DENND6B: variants seen among roughly 807,000 people sequenced by gnomAD.
DENND6B encodes protein DENND6B.
In DENND6B, 73 loss-of-function variants were observed where a neutral mutation model predicts 85.1. That is an observed-to-expected ratio of 0.86 (90% CI 0.71 to 1.04). The LOEUF (loss-of-function observed/expected upper bound fraction) is 1.04, where lower values mean the gene tolerates loss of function less well. Among genes scored for constraint, DENND6B ranks in the 50% least tolerant of loss-of-function variants. DENND6B has a pLI of 0.00. For missense variants in DENND6B, 715 were observed against 785.8 expected (o/e 0.91, Z 1.08); for synonymous variants, 357 against 329.3 (o/e 1.08, Z -0.91).
Position 50,311,779 on chromosome 22 carries a change from A to C in DENND6B, c.*360T>G. The C allele has an allele frequency of 1.4e-5, 4 of 279,604 alleles. No individual in the cohort carries two copies. The highest frequency in any genetic ancestry group is 1.7e-4 in the East Asian group (2 of 11,546). 17.3% of individuals were successfully genotyped at this position (279,604 alleles called of 1,614,324 possible). A position where few individuals can be genotyped will look rare whatever the true frequency, so the allele number is the denominator to read the frequency against. On this transcript the variant is annotated 3_prime_UTR_variant, in exon 20 of 20. Coordinates refer to ENST00000413817, the MANE Select transcript of DENND6B (RefSeq NM_001001794.4). ...TTGGGCTGAGGGAAGCATCACACAC[A>C]GCGCAGGGGGGTCGGGGGCCAACAG...
intron 5 of DENND6B, 155 bp from the exon 6 acceptor site, chr22:50,316,630 A>G: frequency 6.5e-7 from 1 of 1,530,864 alleles, no homozygotes. Flanking sequence ...GGAACGCCTG[A>G]CTTGGACCCC....
intron 5 of DENND6B, 55 bp downstream of exon 5, chr22:50,317,238 C>A (rs1601820632): frequency 6.3e-7 from 1 of 1,598,824 alleles, no homozygotes; most frequent in East Asian, 2.2e-5. Context: ...CCTCCTGCTG[C>A]CTGCCAGCTC....
chr22:50,310,450 C>A lies in DENND6B; in HGVS notation c.*1689G>T, dbSNP rs2068044485. On this transcript the variant is annotated 3_prime_UTR_variant, in exon 20 of 20. Coordinates refer to ENST00000413817, the MANE Select transcript of DENND6B (RefSeq NM_001001794.4). ...GTTGGGCTGGACAAGTTGACATGTA[C>A]CAAGTTCTGAGAACTACCTGGCGCC... The A allele has an allele frequency of 6.6e-6, 1 of 152,232 alleles. No homozygotes were observed. The highest frequency in any genetic ancestry group is 6.5e-5 in the Admixed American group (1 of 15,282). 9.4% of individuals were successfully genotyped at this position (152,232 alleles called of 1,614,324 possible).
intron 1 of DENND6B, among the ~76,000 whole-genome samples, chr22:50,325,498 G>A (rs1240704934): frequency 2.0e-5 from 3 of 151,894 alleles, no homozygotes; most frequent in Admixed American, 6.6e-5. Flanking sequence ...CACCTCGCCC[G>A]GCTAATTTCT....
At chr22:50,318,756 G>A (rs1239738773) in intron 3 of DENND6B, 91 bp downstream of exon 3, 4 of 1,556,258 alleles carry the variant, frequency 2.6e-6, no homozygotes, top group African/African-American at 2.7e-5. Context: ...GGGCACCGGG[G>A]CAGCCGAGGC....
chr22:50,320,321 C>T (rs780229911), intron 1 of DENND6B, among the ~76,000 whole-genome samples: 4 of 152,236 alleles, frequency 2.6e-5, no homozygotes, highest in East Asian at 1.9e-4. Context: ...TAGGCTCAAG[C>T]GATCCTCCCG....
At chr22:50,318,658 G>A (rs1247201602) in intron 3 of DENND6B, among the ~76,000 whole-genome samples, 189 bp downstream of exon 3, 1 of 152,116 alleles carries the variant, frequency 6.6e-6, no homozygotes, top group Non-Finnish European at 1.5e-5. Flanking sequence ...GTGAATCTGG[G>A]GACCGGCCTG....
intron 9 of DENND6B, 101 bp downstream of exon 9, chr22:50,315,613 C>A: frequency 7.4e-7 from 1 of 1,346,662 alleles, no homozygotes; most frequent in Non-Finnish European, 1.0e-6. Flanking sequence ...CAGACACACA[C>A]GCACACACAT....
chr22:50,313,475 G>C lies in DENND6B; in HGVS notation c.1318C>G (p.Pro440Ala). 6.4e-7 allele frequency: 1 copy of C among 1,552,610 alleles called. No individual in the cohort carries two copies. Among genetic ancestry groups the C allele is most frequent in the South Asian group, 1.2e-5 (1 of 82,704 alleles). ...CAGGGCGTGATGCTCTTCTGCAGGG[G>C]CATGAGGCTGGCCATGTAGTGCTCC... is the stretch of plus-strand genomic sequence containing the variant. ...PLEHYMASLM[P>A]LQKSITPWKT... Residue 440 changes from proline to alanine, a missense_variant, in exon 16 of 20, where the codon CCC (proline) becomes GCC (alanine). Physicochemically the swap from Pro to Ala is conservative, Grantham distance 27 (BLOSUM62 -1). Coordinates refer to ENST00000413817, the MANE Select transcript of DENND6B (RefSeq NM_001001794.4).
At chr22:50,316,794 C>T in intron 5 of DENND6B, 2 of 1,262,572 alleles carry the variant, frequency 1.6e-6, no homozygotes, top group Non-Finnish European at 2.0e-6. Flanking sequence ...CTGCCTATGG[C>T]TTCCAGGCTG....
chr22:50,314,364 T>G (rs1359844557), intron 12 of DENND6B, 36 bp downstream of exon 12: 2 of 1,570,300 alleles, frequency 1.3e-6, no homozygotes, highest in Non-Finnish European at 8.6e-7. Flanking sequence ...ACGAGGCTTC[T>G]GAGCAGCACC....
At chr22:50,319,610 C>T in intron 1 of DENND6B, 1 of 789,032 alleles carries the variant, frequency 1.3e-6, no homozygotes. Flanking sequence ...CAGAGGGCCC[C>T]TCACCTGGGA....
chr22:50,317,800 C>T, intron 4 of DENND6B, 108 bp downstream of exon 4: 1 of 1,163,432 alleles, frequency 8.6e-7, no homozygotes, highest in Non-Finnish European at 1.2e-6. Context: ...TCCTCTCCTG[C>T]CACACAGGGC....
chr22:50,326,525 T>C (rs1436563503), intron 1 of DENND6B, among the ~76,000 whole-genome samples: 2 of 152,216 alleles, frequency 1.3e-5, no homozygotes, highest in East Asian at 1.9e-4. Flanking sequence ...CGGTGGGGAA[T>C]GGAGGGGGGA....
Position 50,312,048 on chromosome 22 carries a change from G to T in DENND6B, c.*91C>A. ...AGTCTGGGCGGGGGGCCAAGGAAGGGGAGCGTGTGCTTGGCCCAGTGCCGC... is the reference window on the plus strand; with the variant it reads ...AGTCTGGGCGGGGGGCCAAGGAAGGTGAGCGTGTGCTTGGCCCAGTGCCGC... On this transcript the variant is annotated 3_prime_UTR_variant, in exon 20 of 20. Coordinates refer to ENST00000413817, the MANE Select transcript of DENND6B (RefSeq NM_001001794.4). 1 of 1,534,004 alleles carries T rather than the reference G, an allele frequency of 6.5e-7. No homozygotes were observed.
At chr22:50,326,047 T>C (rs550580832) in intron 1 of DENND6B, among the ~76,000 whole-genome samples, 17 of 152,330 alleles carry the variant, frequency 1.1e-4, no homozygotes, top group Admixed American at 9.1e-4. Context: ...CAGGTGGGCC[T>C]CCCCTGTGCT....
In DENND6B at chr22:50,314,495, C is replaced by A; in HGVS notation, c.978-1G>T. ...TGTGACTCCCAGGACCACGTTTGGT[C>A]TAGACAGACAGAGAGAGAGAAGAGG... On this transcript the variant is annotated splice_acceptor_variant, in intron 11 of 19. Transcript: ENST00000413817. LOFTEE classifies it high-confidence loss of function. 6.4e-7 allele frequency: 1 copy of A among 1,558,028 alleles called. No individual in the cohort carries two copies. Among genetic ancestry groups the A allele is most frequent in the South Asian group, 1.2e-5 (1 of 84,636 alleles).
chr22:50,321,662 C>T (rs1259226436), intron 1 of DENND6B, among the ~76,000 whole-genome samples: 1 of 151,720 alleles, frequency 6.6e-6, no homozygotes, highest in Non-Finnish European at 1.5e-5. Flanking sequence ...GCGCCCAGCC[C>T]TTCTAACTCT....
Position 50,314,589 on chromosome 22 carries a change from C to T in DENND6B, c.977+16G>A. On this transcript the variant is annotated intron_variant, in intron 11 of 19. Transcript: ENST00000413817. ...GGCGGAGCAAGGGCAAGAGGCGGGG[C>T]AGAGGCGGCACTTACGGGGCCTGCG... 6.4e-7 allele frequency: 1 copy of T among 1,557,482 alleles called. No homozygotes were observed. Among genetic ancestry groups the T allele is most frequent in the African/African-American group, 1.4e-5 (1 of 73,430 alleles).
Sources: allele counts gnomAD v4.1 joint callset (sites outside exome capture counted in the v4.1 genomes callset), GRCh38; gene constraint gnomAD v4.1.1; transcripts MANE v1.5; gene names NCBI Gene and HGNC (gene_info 2026-07-23, HGNC 2026-07-21).